The following ZNF672 variants were observed in gnomAD, a reference collection of about 807,000 sequenced individuals.
ZNF672 encodes zinc finger protein 672, also known as hypothetical protein FLJ22301.
For synonymous variants in ZNF672, 358 were observed against 305.6 expected (o/e 1.17, Z -1.79); for missense variants, 733 against 701.1 (o/e 1.05, Z -0.51).
Position 248,847,821 on chromosome 1 carries a change from C to T in ZNF672, c.547C>T (p.Arg183Cys), listed in dbSNP as rs977287212. ...RSGAGLRSHA[R>C]IHVSRSPTRP... ...CGGCGCCGGGCTGCGGAGTCACGCG[C>T]GCATCCACGTGTCCCGGAGCCCCAC... is the stretch of plus-strand genomic sequence containing the variant. The change falls in exon 4 of 4, where the codon CGC becomes TGC. Residue 183 changes from arginine to cysteine, a missense_variant. Coordinates refer to ENST00000306562, the MANE Select transcript of ZNF672 (RefSeq NM_024836.3). 6 of 1,560,734 alleles carry T rather than the reference C, an allele frequency of 3.8e-6. No individual in the cohort carries two copies. The highest frequency in any genetic ancestry group is 4.3e-6 in the Non-Finnish European group (5 of 1,157,796).
Position 248,849,254 on chromosome 1 carries a change from AG to A in ZNF672, c.*624del, listed in dbSNP as rs1475988044. 5.1e-6 allele frequency: 2 copies of A among 391,356 alleles called. No individual in the cohort carries two copies. Among genetic ancestry groups the A allele is most frequent in the East Asian group, 1.4e-4 (2 of 13,948 alleles). 24.2% of individuals were successfully genotyped at this position (391,356 alleles called of 1,614,324 possible). On this transcript the variant is annotated 3_prime_UTR_variant, in exon 4 of 4. Transcript: ENST00000306562. ...GGTGGCCAGTCACGTGAAGGTGGGCAGGGCCCTTAGCATGGCCACACATGTC... is the reference window on the plus strand; with the variant it reads ...GGTGGCCAGTCACGTGAAGGTGGGCAGGCCCTTAGCATGGCCACACATGTC...
Position 248,847,163 on chromosome 1 carries a change from T to C in ZNF672, c.-112T>C, listed in dbSNP as rs1279526168. On this transcript the variant is annotated 5_prime_UTR_variant, in exon 4 of 4. Coordinates refer to ENST00000306562, the MANE Select transcript of ZNF672 (RefSeq NM_024836.3). ...CAGTTTTTGCGGCCTCCCCCTTTCCTCTCTGTTACAGTGCCCTTTCCAGGC... is the reference window on the plus strand; with the variant it reads ...CAGTTTTTGCGGCCTCCCCCTTTCCCCTCTGTTACAGTGCCCTTTCCAGGC... 2.8e-6 allele frequency: 4 copies of C among 1,407,874 alleles called. No homozygotes were observed. The highest frequency in any genetic ancestry group is 2.8e-6 in the Non-Finnish European group (3 of 1,058,686). The allele number at this position is 1,407,874 out of a possible 1,614,324, so 87.2% of individuals were successfully genotyped here. A position where few individuals can be genotyped will look rare whatever the true frequency, so the allele number is the denominator to read the frequency against.
At chr1:248,841,743 A>G (rs867981103) in intron 1 of ZNF672, among the ~76,000 whole-genome samples, 13 of 152,198 alleles carry the variant, frequency 8.5e-5, no homozygotes, top group Non-Finnish European at 1.9e-4. Flanking sequence ...GCAACATGGC[A>G]AAACCCCGTG....
intron 1 of ZNF672, among the ~76,000 whole-genome samples, chr1:248,842,395 T>C (rs1664692386): frequency 6.6e-6 from 1 of 152,092 alleles, no homozygotes; most frequent in African/African-American, 2.4e-5. Context: ...AAGGTATGGA[T>C]GTGAACAGGG....
rs1459238233 is a variant in ZNF672 at position 248,848,114 on chromosome 1, G to T, written c.840G>T (p.Glu280Asp). 1 of 1,556,174 alleles carries T rather than the reference G, an allele frequency of 6.4e-7. No individual in the cohort carries two copies. The highest frequency in any genetic ancestry group is 1.2e-5 in the South Asian group (1 of 86,078). The change falls in exon 4 of 4, where the codon GAG becomes GAT. Residue 280 changes from glutamate to aspartate, a missense_variant. Transcript: ENST00000306562. ...GCCATCGGCGCAGCCATCAGGGCGA[G>T]CGGCCACATGCGTGCGCCACTTGCG... ...LLRHRRSHQG[E>D]RPHACATCGK...
intron 1 of ZNF672, among the ~76,000 whole-genome samples, chr1:248,840,340 C>T (rs1026009851): frequency 1.3e-5 from 2 of 152,112 alleles, no homozygotes; most frequent in Non-Finnish European, 2.9e-5. Flanking sequence ...GATCTGCCCA[C>T]CCCGGCCTCC....
intron 1 of ZNF672, among the ~76,000 whole-genome samples, chr1:248,841,295 G>T (rs1664676017): frequency 6.6e-6 from 1 of 152,216 alleles, no homozygotes; most frequent in South Asian, 2.1e-4. Flanking sequence ...TCCTTGCTAG[G>T]CCCAGGGAAG....
In ZNF672 at chr1:248,848,332, ATC is replaced by A. The variant is rs776666431; in HGVS notation, c.1061_1062del (p.Leu354GlnfsTer85). Reference sequence around the variant, plus strand: ...GGCAAGCGGTTCACGTGCGTGTCCAATCTCAACGTGCATCGGCGCAACCATGC... The same window carrying A: ...GGCAAGCGGTTCACGTGCGTGTCCAATCAACGTGCATCGGCGCAACCATGC... On this transcript the variant is annotated frameshift_variant, in exon 4 of 4. Coordinates refer to ENST00000306562, the MANE Select transcript of ZNF672 (RefSeq NM_024836.3). LOFTEE classifies it low-confidence loss of function (END_TRUNC). 1 of 1,601,836 alleles carries A rather than the reference ATC, an allele frequency of 6.2e-7. No homozygotes were observed. The highest frequency in any genetic ancestry group is 1.1e-5 in the South Asian group (1 of 91,086).
chr1:248,839,946 C>T (rs1043415687), intron 1 of ZNF672, among the ~76,000 whole-genome samples: 3 of 151,958 alleles, frequency 2.0e-5, no homozygotes, highest in African/African-American at 4.8e-5. Flanking sequence ...ACTGTGTTGG[C>T]CAGGCTGGTC....
chr1:248,841,791 GC>G (rs1389052240), intron 1 of ZNF672, among the ~76,000 whole-genome samples: 1 of 152,102 alleles, frequency 6.6e-6, no homozygotes, highest in African/African-American at 2.4e-5. Context: ...GGTAGCTCGA[GC>G]CTGTAATCCC....
chr1:248,843,219 A>G (rs1303574602), intron 1 of ZNF672, among the ~76,000 whole-genome samples: 1 of 152,220 alleles, frequency 6.6e-6, no homozygotes, highest in African/African-American at 2.4e-5. Flanking sequence ...GGGGTTACTA[A>G]TAACACCCAC....
At chr1:248,839,092 C>G (rs1280172164) in intron 1 of ZNF672, 2 of 152,242 alleles carry the variant, frequency 1.3e-5, no homozygotes, top group African/African-American at 2.4e-5. Context: ...GTTCCGCATT[C>G]GGCGAATAGT....
At chr1:248,843,212 G>T (rs368435624) in intron 1 of ZNF672, among the ~76,000 whole-genome samples, 111 of 152,290 alleles carry the variant, frequency 7.3e-4, no homozygotes, top group African/African-American at 2.5e-3. Context: ...TCACATGGGG[G>T]TTACTAATAA....
chr1:248,848,146 G>C lies in ZNF672; in HGVS notation c.872G>C (p.Gly291Ala). ...RPHACATCGK[G>A]FGQRSDLVVH... ...CATGCGTGCGCCACTTGCGGCAAGGGTTTCGGGCAGCGCTCCGACCTGGTG... is the reference window on the plus strand; with the variant it reads ...CATGCGTGCGCCACTTGCGGCAAGGCTTTCGGGCAGCGCTCCGACCTGGTG... Residue 291 changes from glycine (G) to alanine (A), a missense_variant, in exon 4 of 4, where the codon GGT (glycine) becomes GCT (alanine). Coordinates refer to ENST00000306562, the MANE Select transcript of ZNF672 (RefSeq NM_024836.3). 6.3e-7 allele frequency: 1 copy of C among 1,582,810 alleles called. No individual in the cohort carries two copies. Among genetic ancestry groups the C allele is most frequent in the South Asian group, 1.1e-5 (1 of 88,782 alleles).
rs201281707 is a variant in ZNF672 at position 248,848,040 on chromosome 1, G to T, written c.766G>T (p.Ala256Ser). Residue 256 changes from alanine (A) to serine (S), a missense_variant, in exon 4 of 4, where the codon GCA (alanine) becomes TCA (serine). By Grantham distance (99) the Ala-to-Ser change is moderately conservative. Coordinates refer to ENST00000306562, the MANE Select transcript of ZNF672 (RefSeq NM_024836.3). Reference sequence around the variant, plus strand: ...CACACACACGGGCGAGAAGCCGTACGCATGTGGCGACTGTGGACGCTGCTT... The same window carrying T: ...CACACACACGGGCGAGAAGCCGTACTCATGTGGCGACTGTGGACGCTGCTT... ...QRTHTGEKPY[A>S]CGDCGRCFSE... 1,333 of 1,551,728 alleles carry T rather than the reference G, an allele frequency of 8.6e-4. 1 individual carries two copies. Among genetic ancestry groups the T allele is most frequent in the Non-Finnish European group, 1.1e-3 (1,239 of 1,148,518 alleles).
chr1:248,844,164 A>G (rs967112063), intron 1 of ZNF672, among the ~76,000 whole-genome samples: 4 of 152,166 alleles, frequency 2.6e-5, no homozygotes, highest in African/African-American at 9.7e-5. Flanking sequence ...TCTTGCCCCT[A>G]TTATAGATAT....
chr1:248,840,002 G>T (rs1664644546), intron 1 of ZNF672, among the ~76,000 whole-genome samples: 1 of 152,002 alleles, frequency 6.6e-6, no homozygotes, highest in Admixed American at 6.6e-5. Context: ...GCCTCCCAAA[G>T]TGCTGGGATT....
rs766318226 is a variant in ZNF672 at position 248,847,563 on chromosome 1, C to T, written c.289C>T (p.Arg97Cys). Reference protein sequence around the residue: ...LHLGAHRQRCRTCPCRTCGRR... With the variant: ...LHLGAHRQRCCTCPCRTCGRR... ...CTTGGGCGCACACCGGCAGCGATGC[C>T]GCACTTGCCCCTGCCGCACATGCGG... is the stretch of plus-strand genomic sequence containing the variant. The change falls in exon 4 of 4, where the codon CGC (arginine) becomes TGC (cysteine). Residue 97 changes from arginine (R) to cysteine (C), a missense_variant. Arg to Cys is a radical substitution (Grantham distance 180, BLOSUM62 -3). Coordinates refer to ENST00000306562, the MANE Select transcript of ZNF672 (RefSeq NM_024836.3). 1.6e-5 allele frequency: 26 copies of T among 1,579,696 alleles called. No homozygotes were observed. The highest frequency in any genetic ancestry group is 1.1e-4 in the Admixed American group (6 of 56,678).
At chr1:248,839,863 C>G (rs1193746893) in intron 1 of ZNF672, among the ~76,000 whole-genome samples, 3 of 150,160 alleles carry the variant, frequency 2.0e-5, no homozygotes, top group Non-Finnish European at 4.4e-5. Flanking sequence ...CTCACCCTTC[C>G]CAGTAGCTGA....
Sources: gnomAD v4.1 joint callset for allele counts (sites outside exome capture counted in the v4.1 genomes callset) on GRCh38, gnomAD v4.1.1 for gene constraint, MANE v1.5 for transcripts, NCBI Gene and HGNC (gene_info 2026-07-23, HGNC 2026-07-21) for gene names.